The following CADPS variants were observed in gnomAD, a reference collection of about 807,000 sequenced individuals.
CADPS encodes calcium-dependent secretion activator 1.
In CADPS, 57 loss-of-function variants were observed where a neutral mutation model predicts 167.3. The ratio of observed to expected loss-of-function variants is 0.34; its 90% confidence interval spans 0.28 to 0.42. The LOEUF (loss-of-function observed/expected upper bound fraction) is 0.42, where lower values mean the gene tolerates loss of function less well. CADPS is among the 20% of genes least tolerant of loss of function. The pLI, the probability that CADPS is intolerant of heterozygous loss-of-function variation, is 1.00. For synonymous variants in CADPS, 676 were observed against 635.3 expected (o/e 1.06, Z -0.96); for missense variants, 1,414 against 1,738.1 (o/e 0.81, Z 3.32).
At chr3:62,804,607 A>G (rs1267864867) in intron 1 of CADPS, among the ~76,000 whole-genome samples, 2 of 151,920 alleles carry the variant, frequency 1.3e-5, no homozygotes, top group Non-Finnish European at 2.9e-5. Flanking sequence ...CAGTAACAAC[A>G]TGTTTCAATA....
chr3:62,797,073 T>G (rs535401147), intron 1 of CADPS, among the ~76,000 whole-genome samples: 2 of 152,208 alleles, frequency 1.3e-5, no homozygotes, highest in Non-Finnish European at 2.9e-5. Flanking sequence ...ATTGAGACAG[T>G]CTGGAGAAAT....
rs1254397598 is a variant in CADPS, at chr3:62,420,902, A to G, written c.3777+17202T>C. Among the ~76,000 whole-genome samples the G allele has an allele frequency of 1.2e-4, 13 of 110,336 alleles. No homozygotes were observed. Among genetic ancestry groups the G allele is most frequent in the African/African-American group, 5.1e-4 (13 of 25,728 alleles). 72.4% of individuals were successfully genotyped at this position (110,336 alleles called of 152,430 possible). A position where few individuals can be genotyped will look rare whatever the true frequency, so the allele number is the denominator to read the frequency against. On this transcript the variant is annotated intron_variant, in intron 28 of 29. Transcript: ENST00000383710. The surrounding 1 kb of genome is among the most constrained non-coding windows in gnomAD (Gnocchi z 4.1). ...CACACACACACACACACACACACACAGGCACACACACACACACTTGCCAGA... is the reference window on the plus strand; with the variant it reads ...CACACACACACACACACACACACACGGGCACACACACACACACTTGCCAGA...
intron 8 of CADPS, among the ~76,000 whole-genome samples, chr3:62,580,597 A>G (rs1407332368): frequency 2.1e-5 from 3 of 142,094 alleles, no homozygotes; most frequent in Admixed American, 2.1e-4. Context: ...AAAAAAAATA[A>G]AAAAAAAAAG....
At chr3:62,677,691 T>C (rs2076541605) in intron 3 of CADPS, among the ~76,000 whole-genome samples, 1 of 152,088 alleles carries the variant, frequency 6.6e-6, no homozygotes, top group African/African-American at 2.4e-5. Flanking sequence ...CATTTGATTA[T>C]GGGGGCAAAG....
intron 18 of CADPS, among the ~76,000 whole-genome samples, chr3:62,494,128 C>T (rs1272972300): frequency 1.3e-5 from 2 of 152,148 alleles, no homozygotes; most frequent in African/African-American, 2.4e-5. Context: ...AAATATATTA[C>T]ATAAGAGAAA....
intron 1 of CADPS, among the ~76,000 whole-genome samples, chr3:62,827,898 A>G (rs939241470): frequency 6.6e-6 from 1 of 152,188 alleles, no homozygotes; most frequent in Admixed American, 6.5e-5. Flanking sequence ...AAGCACTTTC[A>G]CATATATCAT....
intron 1 of CADPS, among the ~76,000 whole-genome samples, chr3:62,839,016 T>C (rs1451642200): frequency 6.6e-6 from 1 of 152,164 alleles, no homozygotes; most frequent in African/African-American, 2.4e-5. Context: ...GGCAGATAAG[T>C]GTAAAATAAA....
At chr3:62,614,622 A>C (rs2061983003) in intron 6 of CADPS, among the ~76,000 whole-genome samples, 1 of 152,194 alleles carries the variant, frequency 6.6e-6, no homozygotes, top group African/African-American at 2.4e-5. Flanking sequence ...TCCCTGTTGA[A>C]GGGAATAAGG....
chr3:62,429,434 A>G (rs932360504), intron 28 of CADPS, among the ~76,000 whole-genome samples: 1 of 152,242 alleles, frequency 6.6e-6, no homozygotes, highest in Non-Finnish European at 1.5e-5. Context: ...TAGAGCAGTA[A>G]CTATGTATCT....
chr3:62,409,309 G>T (rs571372095), intron 28 of CADPS, among the ~76,000 whole-genome samples: 1 of 152,358 alleles, frequency 6.6e-6, no homozygotes, highest in South Asian at 2.1e-4. Flanking sequence ...AGTCCTAGGT[G>T]TCCCTAAAGC....
chr3:62,628,659 G>C (rs897730225), intron 6 of CADPS, among the ~76,000 whole-genome samples: 2 of 143,106 alleles, frequency 1.4e-5, no homozygotes, highest in Non-Finnish European at 3.0e-5. Flanking sequence ...ACAGAGTCTC[G>C]CTCTGTCACC....
intron 7 of CADPS, among the ~76,000 whole-genome samples, chr3:62,586,860 G>A (rs955495376): frequency 6.6e-6 from 1 of 152,148 alleles, no homozygotes; most frequent in African/African-American, 2.4e-5. Context: ...AAAAATCAAA[G>A]ATGGGCTAAA....
chr3:62,446,384 G>A lies in CADPS; in HGVS notation c.3637-587C>T, dbSNP rs1040472512. On this transcript the variant is annotated intron_variant, in intron 26 of 29. Transcript: ENST00000383710. This position sits in a 1 kb window ranked among gnomAD's most constrained non-coding sequence, Gnocchi z 4.9. The stretch of plus-strand genomic sequence containing the variant: ...AAATTCCAGATGGGAAGTGCAGGAA[G>A]TGGTTATAAAATTTTTAGTTTTGTG... 7.2e-5 allele frequency among the ~76,000 whole-genome samples: 11 copies of A among 152,204 alleles called. No individual in the cohort carries two copies. Among genetic ancestry groups the A allele is most frequent in the African/African-American group, 2.7e-4 (11 of 41,462 alleles).
intron 1 of CADPS, among the ~76,000 whole-genome samples, chr3:62,862,868 C>T (rs1349028037): frequency 1.3e-5 from 2 of 152,204 alleles, no homozygotes; most frequent in Non-Finnish European, 2.9e-5. Context: ...GGTTGGTGCT[C>T]TGTAGCCCAT....
chr3:62,852,936 C>T (rs2078924687), intron 1 of CADPS, among the ~76,000 whole-genome samples: 1 of 152,150 alleles, frequency 6.6e-6, no homozygotes, highest in Non-Finnish European at 1.5e-5. Flanking sequence ...TATTCAATTA[C>T]TCCTTTATTT....
chr3:62,728,138 C>G (rs2077084392), intron 3 of CADPS, among the ~76,000 whole-genome samples: 1 of 150,606 alleles, frequency 6.6e-6, no homozygotes, highest in Non-Finnish European at 1.5e-5. Context: ...TAGGCTGCTG[C>G]AAAAGTAATT....
intron 8 of CADPS, among the ~76,000 whole-genome samples, chr3:62,576,256 G>T (rs111679614): frequency 6.6e-6 from 1 of 152,150 alleles, no homozygotes; most frequent in Non-Finnish European, 1.5e-5. Context: ...TTATATCTCA[G>T]ACTAAAGGAG....
At chr3:62,852,516 T>A (rs2078832927) in intron 1 of CADPS, among the ~76,000 whole-genome samples, 1 of 152,080 alleles carries the variant, frequency 6.6e-6, no homozygotes, top group African/African-American at 2.4e-5. Flanking sequence ...AATGGCCCCA[T>A]CATGAGACTG....
chr3:62,844,615 G>A (rs533536479), intron 1 of CADPS, among the ~76,000 whole-genome samples: 2 of 152,284 alleles, frequency 1.3e-5, no homozygotes, highest in South Asian at 4.1e-4. Context: ...TTTAAGCGTA[G>A]GTATCGGGGT....
Sources: allele counts gnomAD v4.1 joint callset (sites outside exome capture counted in the v4.1 genomes callset), GRCh38; gene constraint gnomAD v4.1.1; non-coding constraint Gnocchi (gnomAD v3.1); transcripts MANE v1.5; gene names NCBI Gene and HGNC (gene_info 2026-07-23, HGNC 2026-07-21).